The following TMEM156 variants were observed in gnomAD, a reference collection of about 807,000 sequenced individuals.
The protein encoded by TMEM156 is transmembrane protein 156.
In TMEM156, 28 loss-of-function variants were observed where a neutral mutation model predicts 30.5. The observed-to-expected ratio is 0.92, with a 90% CI of 0.68 to 1.26. The LOEUF (loss-of-function observed/expected upper bound fraction) is 1.26. Among genes scored for constraint, TMEM156 ranks in the 50% most tolerant of loss-of-function variants. The pLI, the probability that TMEM156 is intolerant of heterozygous loss-of-function variation, is 0.00. For synonymous variants in TMEM156, 137 were observed against 119.9 expected, an observed-to-expected ratio of 1.14 and a Z score of -0.93; for missense variants, 351 against 340.6, an observed-to-expected ratio of 1.03 and a Z score of -0.24.
At chr4:39,017,038 C>T (rs555765046) in intron 1 of TMEM156, among the ~76,000 whole-genome samples, 1 of 152,214 alleles carries the variant, frequency 6.6e-6, no homozygotes, top group African/African-American at 2.4e-5. Flanking sequence ...TATCACAAGA[C>T]ACAGTATGGG....
chr4:38,973,267 G>A, intron 5 of TMEM156, among the ~76,000 whole-genome samples: 1 of 152,170 alleles, frequency 6.6e-6, no homozygotes, highest in Non-Finnish European at 1.5e-5. Context: ...AAATGAACTT[G>A]TTTATTTCAA....
chr4:38,983,295 AT>A (rs1221472077), intron 5 of TMEM156, among the ~76,000 whole-genome samples: 7 of 152,136 alleles, frequency 4.6e-5, no homozygotes, highest in African/African-American at 1.4e-4. Context: ...GGCTTCTATC[AT>A]TTGCATCCAA....
Position 38,992,864 on chromosome 4 carries a change from C to A in TMEM156, c.619+874G>T, listed in dbSNP as rs948155282. ...GTAACCTCCGCCTCCCGGATTCAAG[C>A]GATTCTCCTGCCTCAGCCTCACAAG... On this transcript the variant is annotated intron_variant, in intron 3 of 6. Transcript: ENST00000381938. Among the ~76,000 whole-genome samples, 3 of 149,780 alleles carry A rather than the reference C, an allele frequency of 2.0e-5. No homozygotes were observed. In the East Asian group the frequency reaches 5.9e-4, roughly 30 times the overall value.
chr4:38,990,830 G>GT (rs71304784), intron 3 of TMEM156, among the ~76,000 whole-genome samples: 2,375 of 81,046 alleles, frequency 0.029, 175 homozygotes, highest in African/African-American at 0.063. Flanking sequence ...TTGTTTTCTG[G>GT]TTTTTTTTTT....
intron 1 of TMEM156, among the ~76,000 whole-genome samples, chr4:39,013,125 C>T (rs1714232771): frequency 6.6e-6 from 1 of 150,650 alleles, no homozygotes; most frequent in South Asian, 2.1e-4. Context: ...AAAGTGAGAC[C>T]TCGTCTCTAT....
At chr4:38,969,740 G>A (rs1002834812) in intron 6 of TMEM156, among the ~76,000 whole-genome samples, 49 of 152,082 alleles carry the variant, frequency 3.2e-4, no homozygotes, top group African/African-American at 1.1e-3. Context: ...TTTCAGACAC[G>A]TGTCACCACG....
chr4:39,010,801 A>C (rs934585241), intron 1 of TMEM156, among the ~76,000 whole-genome samples: 1 of 152,230 alleles, frequency 6.6e-6, no homozygotes, highest in Non-Finnish European at 1.5e-5. Context: ...ACCTCAAACT[A>C]TAAAAATCCT....
chr4:38,969,118 A>G (rs1054756231), intron 6 of TMEM156, among the ~76,000 whole-genome samples: 3 of 152,232 alleles, frequency 2.0e-5, no homozygotes, highest in Non-Finnish European at 4.4e-5. Flanking sequence ...ATTTTTGTGT[A>G]ATTATAGTCA....
intron 1 of TMEM156, among the ~76,000 whole-genome samples, chr4:39,020,954 C>T (rs1244346058): frequency 6.6e-6 from 1 of 152,158 alleles, no homozygotes; most frequent in Non-Finnish European, 1.5e-5. Flanking sequence ...ACATCTTCAC[C>T]AGCACTTGCT....
At chr4:39,016,371 T>TAAA (rs71192812) in intron 1 of TMEM156, among the ~76,000 whole-genome samples, 3 of 133,028 alleles carry the variant, frequency 2.3e-5, no homozygotes, top group Non-Finnish European at 3.2e-5. Context: ...AGACTCTGCC[T>TAAA]AAAAAAAAAA....
chr4:39,022,274 A>G lies in TMEM156; in HGVS notation c.88+9952T>C, dbSNP rs192474079. 2.0e-5 allele frequency among the ~76,000 whole-genome samples: 3 copies of G among 152,352 alleles called. No individual in the cohort carries two copies. The East Asian group carries it at 5.8e-4, about 29-fold the overall frequency. On this transcript the variant is annotated intron_variant, in intron 1 of 6. Coordinates refer to ENST00000381938, the MANE Select transcript of TMEM156 (RefSeq NM_024943.3). ...CTTTCTCCACCCATAGCCAAAGTGA[A>G]GACAGACAAATTTCCTCAAAACCAG...
chr4:38,970,234 C>CAGT (rs1722532022), intron 6 of TMEM156, among the ~76,000 whole-genome samples: 1 of 151,970 alleles, frequency 6.6e-6, no homozygotes, highest in Admixed American at 6.6e-5. Context: ...GTCTTAAAGA[C>CAGT]AGTAGCAGGG....
At chr4:39,013,895 T>G (rs1714299619) in intron 1 of TMEM156, among the ~76,000 whole-genome samples, 1 of 152,202 alleles carries the variant, frequency 6.6e-6, no homozygotes, top group Non-Finnish European at 1.5e-5. Context: ...TGTAAATATA[T>G]AGGCCATGGT....
chr4:38,977,412 C>A (rs114317425), intron 5 of TMEM156, among the ~76,000 whole-genome samples: 1 of 152,254 alleles, frequency 6.6e-6, no homozygotes, highest in East Asian at 1.9e-4. Context: ...TAAAGTAATT[C>A]TCTAGTGGGG....
intron 1 of TMEM156, among the ~76,000 whole-genome samples, chr4:39,018,426 A>T (rs1252030933): frequency 6.6e-6 from 1 of 152,118 alleles, no homozygotes; most frequent in Non-Finnish European, 1.5e-5. Flanking sequence ...ATTGTTGTTG[A>T]GGTTTTTTTC....
At chr4:38,979,957 G>T (rs953229870) in intron 5 of TMEM156, among the ~76,000 whole-genome samples, 1 of 152,068 alleles carries the variant, frequency 6.6e-6, no homozygotes, top group Non-Finnish European at 1.5e-5. Context: ...AAAAACGTTG[G>T]CAGTTTTCTG....
chr4:38,971,006 G>T, intron 6 of TMEM156, 26 bp downstream of exon 6: 1 of 1,419,354 alleles, frequency 7.0e-7, no homozygotes, highest in Non-Finnish European at 9.9e-7. Context: ...TAATGAAGAA[G>T]TCGATAAAGC....
Position 38,993,984 on chromosome 4 carries a change from C to A in TMEM156, c.373G>T (p.Gly125Ter). 6.2e-7 allele frequency: 1 copy of A among 1,613,416 alleles called. No individual in the cohort carries two copies. The highest frequency in any genetic ancestry group is 8.5e-7 in the Non-Finnish European group (1 of 1,179,416). The change falls in exon 3 of 7, where the codon GGA becomes TGA. Residue 125 changes from glycine to a stop codon, truncating the protein, a stop_gained. Transcript: ENST00000381938. LOFTEE classifies it high-confidence loss of function. ...TCATTTGCTTTCACTTCCATTGATCCTCTCCTGATAAGAACTAGAAAGTGA... is the reference window on the plus strand; with the variant it reads ...TCATTTGCTTTCACTTCCATTGATCATCTCCTGATAAGAACTAGAAAGTGA... ...EQTSKVLIRR[G>*]SMEVKANDFH...
chr4:39,022,256 C>T (rs2110058736), intron 1 of TMEM156, among the ~76,000 whole-genome samples: 1 of 152,298 alleles, frequency 6.6e-6, no homozygotes, highest in South Asian at 2.1e-4. Context: ...TTCCTTTCTC[C>T]ACCCATAGCC....
Sources: gnomAD v4.1 joint callset for allele counts (sites outside exome capture counted in the v4.1 genomes callset) on GRCh38, gnomAD v4.1.1 for gene constraint, MANE v1.5 for transcripts, NCBI Gene and HGNC (gene_info 2026-07-23, HGNC 2026-07-21) for gene names.